Variants in LNP1 observed in about 807,000 individuals in gnomAD.
The protein encoded by LNP1 is leukemia NUP98 fusion partner 1.
Under a neutral mutation model 14.5 loss-of-function variants are expected in LNP1, and 12 were observed. The ratio of observed to expected loss-of-function variants is 0.83; its 90% CI spans 0.53 to 1.34. LNP1 has a LOEUF of 1.34. LNP1 is among the 40% of genes most tolerant of loss of function. LNP1 has a pLI of 0.00. For synonymous variants in LNP1, 75 were observed against 71.4 expected (o/e 1.05, Z -0.26); for missense variants, 198 against 210.9 (o/e 0.94, Z 0.38).
At chr3:100,403,190 G>C (rs1027850657) in intron 1 of LNP1, among the ~76,000 whole-genome samples, 1 of 152,168 alleles carries the variant, frequency 6.6e-6, no homozygotes, top group Non-Finnish European at 1.5e-5. Flanking sequence ...CTATAGTAAA[G>C]ATTTAATTAG....
chr3:100,442,862 T>C (rs1217768677), intron 2 of LNP1, among the ~76,000 whole-genome samples: 1 of 152,200 alleles, frequency 6.6e-6, no homozygotes, highest in African/African-American at 2.4e-5. Flanking sequence ...GATAGGATGG[T>C]TTATTCCTAG....
Position 100,445,597 on chromosome 3 carries a change from A to T in LNP1, c.157-6122A>T, listed in dbSNP as rs377111964. On this transcript the variant is annotated intron_variant, in intron 2 of 3. Coordinates refer to ENST00000383693, the MANE Select transcript of LNP1 (RefSeq NM_001085451.2). ...GATGTAAGAACCTTAATTAAAAAACATTTTTAATCTCAGTTTATTTTAGCA... is the reference window on the plus strand; with the variant it reads ...GATGTAAGAACCTTAATTAAAAAACTTTTTTAATCTCAGTTTATTTTAGCA... Among the ~76,000 whole-genome samples the T allele has an allele frequency of 7.2e-5, 11 of 152,350 alleles. No homozygotes were observed. In the East Asian group the frequency reaches 9.6e-4, roughly 13 times the overall value.
At chr3:100,409,998 T>C (rs1007453906) in intron 1 of LNP1, among the ~76,000 whole-genome samples, 1 of 150,914 alleles carries the variant, frequency 6.6e-6, no homozygotes, top group African/African-American at 2.4e-5. Context: ...TATCTATCTA[T>C]CTACCTATTT....
intron 1 of LNP1, among the ~76,000 whole-genome samples, chr3:100,405,352 A>C (rs997460670): frequency 4.6e-5 from 7 of 152,238 alleles, no homozygotes; most frequent in Admixed American, 1.3e-4. Context: ...AACTCCTAAG[A>C]GTATGTATAA....
At chr3:100,407,791 T>C (rs1308008003) in intron 1 of LNP1, among the ~76,000 whole-genome samples, 2 of 152,150 alleles carry the variant, frequency 1.3e-5, no homozygotes, top group African/African-American at 4.8e-5. Flanking sequence ...TTCCACTCTT[T>C]TTCCTTTCTT....
intron 2 of LNP1, among the ~76,000 whole-genome samples, chr3:100,441,829 A>T (rs1024305018): frequency 2.2e-4 from 33 of 151,440 alleles, no homozygotes; most frequent in Middle Eastern, 6.8e-3. Context: ...TACCCAGCTA[A>T]TTTTTTTGTA....
intron 2 of LNP1, among the ~76,000 whole-genome samples, chr3:100,432,032 A>T (rs1361764840): frequency 2.4e-5 from 2 of 84,734 alleles, no homozygotes; most frequent in African/African-American, 6.0e-5. Flanking sequence ...ATATATATAT[A>T]TATATATATA....
intron 1 of LNP1, among the ~76,000 whole-genome samples, chr3:100,424,192 T>A (rs1158261932): frequency 5.9e-5 from 9 of 152,182 alleles, no homozygotes; most frequent in African/African-American, 1.9e-4. Context: ...TACATCTTGT[T>A]GTTTTGGGAG....
At chr3:100,454,507 A>T (rs1020594180) in intron 3 of LNP1, among the ~76,000 whole-genome samples, 1 of 152,202 alleles carries the variant, frequency 6.6e-6, no homozygotes, top group Non-Finnish European at 1.5e-5. Flanking sequence ...CCTAGATTTA[A>T]ATTTTACATA....
intron 1 of LNP1, among the ~76,000 whole-genome samples, chr3:100,421,010 G>T (rs1707139137): frequency 6.6e-6 from 1 of 151,608 alleles, no homozygotes; most frequent in Non-Finnish European, 1.5e-5. Context: ...TAAGAGTCTT[G>T]CTCTGTTTCC....
chr3:100,410,878 C>T (rs1338848721), intron 1 of LNP1, among the ~76,000 whole-genome samples: 2 of 152,170 alleles, frequency 1.3e-5, no homozygotes, highest in Non-Finnish European at 2.9e-5. Flanking sequence ...CACTACAGGC[C>T]CAGGGAGTAG....
chr3:100,429,729 C>T lies in LNP1; in HGVS notation c.-1C>T. 1.2e-6 allele frequency: 2 copies of T among 1,613,496 alleles called. No homozygotes were observed. The highest frequency in any genetic ancestry group is 1.7e-6 in the Non-Finnish European group (2 of 1,179,640). Reference sequence around the variant, plus strand: ...CCTTCAGTATTTGGCATCACCTTTACATGGAGCACAAAGATGATGATGATG... The same window carrying T: ...CCTTCAGTATTTGGCATCACCTTTATATGGAGCACAAAGATGATGATGATG... On this transcript the variant is annotated 5_prime_UTR_variant, in exon 2 of 4. Transcript: ENST00000383693.
intron 1 of LNP1, among the ~76,000 whole-genome samples, chr3:100,409,592 A>ACATG (rs1707008250): frequency 2.1e-5 from 2 of 95,862 alleles, no homozygotes; most frequent in South Asian, 3.5e-4. Flanking sequence ...ACACACACAC[A>ACATG]TATATATATA....
At chr3:100,454,658 A>C (rs1707492017) in intron 3 of LNP1, among the ~76,000 whole-genome samples, 1 of 152,190 alleles carries the variant, frequency 6.6e-6, no homozygotes, top group Non-Finnish European at 1.5e-5. Flanking sequence ...GATGTGATAA[A>C]ATGTATTTCA....
At chr3:100,414,183 A>G (rs564351027) in intron 1 of LNP1, among the ~76,000 whole-genome samples, 65 of 152,288 alleles carry the variant, frequency 4.3e-4, no homozygotes, top group African/African-American at 1.5e-3. Flanking sequence ...GGTAATATCA[A>G]CAGAGATTAC....
intron 2 of LNP1, among the ~76,000 whole-genome samples, chr3:100,432,401 A>G (rs1477506687): frequency 3.3e-5 from 5 of 152,146 alleles, no homozygotes; most frequent in African/African-American, 1.2e-4. Flanking sequence ...TTGAACACCT[A>G]CTGTGAGCCA....
chr3:100,448,789 A>G (rs954291719), intron 2 of LNP1, among the ~76,000 whole-genome samples: 1 of 152,224 alleles, frequency 6.6e-6, no homozygotes, highest in Non-Finnish European at 1.5e-5. Flanking sequence ...GTAGTGAAAC[A>G]CTGTGTACAC....
chr3:100,453,528 C>T (rs1210668057), intron 3 of LNP1, among the ~76,000 whole-genome samples: 2 of 150,714 alleles, frequency 1.3e-5, no homozygotes, highest in Non-Finnish European at 2.9e-5. Flanking sequence ...TTTGAGACTG[C>T]CGTCAGCTAT....
At chr3:100,404,192 GT>G (rs1206747663) in intron 1 of LNP1, among the ~76,000 whole-genome samples, 2 of 152,092 alleles carry the variant, frequency 1.3e-5, no homozygotes, top group Non-Finnish European at 2.9e-5. Context: ...ATTCATTGTG[GT>G]TTTTTTGTGG....
Sources: allele counts gnomAD v4.1 joint callset (sites outside exome capture counted in the v4.1 genomes callset), GRCh38; gene constraint gnomAD v4.1.1; transcripts MANE v1.5; gene names NCBI Gene and HGNC (gene_info 2026-07-23, HGNC 2026-07-21).